NFATC3: variants seen among roughly 807,000 people sequenced by gnomAD.
The protein encoded by NFATC3 is nuclear factor of activated T cells 3.
In NFATC3, 46 loss-of-function variants were observed where a neutral mutation model predicts 98.6. That is an observed-to-expected ratio of 0.47 (90% CI 0.37 to 0.60). The LOEUF (loss-of-function observed/expected upper bound fraction) is 0.60. Among genes scored for constraint, NFATC3 ranks in the 20% least tolerant of loss-of-function variants. The probability of loss-of-function intolerance (pLI) is 0.00; values close to 1 mark genes in which losing one functional copy is unlikely to be tolerated. For synonymous variants in NFATC3, 512 were observed against 472.2 expected, an observed-to-expected ratio of 1.08 and a Z score of -1.09; for missense variants, 1,256 against 1,295.5, an observed-to-expected ratio of 0.97 and a Z score of 0.47.
chr16:68,135,500 C>CTTG (rs1160649124), intron 3 of NFATC3, among the ~76,000 whole-genome samples: 22 of 144,510 alleles, frequency 1.5e-4, no homozygotes, highest in African/African-American at 5.6e-4. Context: ...GAATTGTGTA[C>CTTG]TTGTTGCTGA....
chr16:68,173,065 TG>T (rs2039537494), intron 5 of NFATC3, among the ~76,000 whole-genome samples: 1 of 151,866 alleles, frequency 6.6e-6, no homozygotes, highest in South Asian at 2.1e-4. Context: ...GAGAACAGCC[TG>T]GGCAACAAAG....
At chr16:68,127,900 A>G (rs1365283411) in intron 3 of NFATC3, among the ~76,000 whole-genome samples, 2 of 152,016 alleles carry the variant, frequency 1.3e-5, no homozygotes, top group Non-Finnish European at 2.9e-5. Flanking sequence ...TTTCCTTTCA[A>G]ATTTACATCC....
At chr16:68,225,264 T>A (rs1258295781) in intron 9 of NFATC3, 3 of 152,206 alleles carry the variant, frequency 2.0e-5, no homozygotes, top group African/African-American at 7.2e-5. Context: ...TAATATCTAA[T>A]TTTATAACTC....
chr16:68,147,346 T>C (rs2038088806), intron 3 of NFATC3, among the ~76,000 whole-genome samples: 1 of 152,340 alleles, frequency 6.6e-6, no homozygotes, highest in Admixed American at 6.5e-5. Context: ...CCTATAATTT[T>C]TTTGTTGGTT....
chr16:68,111,369 T>C (rs1435701173), intron 1 of NFATC3, among the ~76,000 whole-genome samples: 1 of 152,252 alleles, frequency 6.6e-6, no homozygotes, highest in African/African-American at 2.4e-5. Context: ...CCCTTTACCA[T>C]GCTGTATGCC....
At chr16:68,184,999 T>A (rs890738478) in intron 8 of NFATC3, among the ~76,000 whole-genome samples, 26 of 150,640 alleles carry the variant, frequency 1.7e-4, no homozygotes, top group Non-Finnish European at 3.4e-4. Flanking sequence ...TTTTTTTTTT[T>A]GAGAGAGAGT....
chr16:68,147,885 C>T (rs1225779475), intron 3 of NFATC3, among the ~76,000 whole-genome samples: 1 of 151,822 alleles, frequency 6.6e-6, no homozygotes, highest in Non-Finnish European at 1.5e-5. Flanking sequence ...GGCATTATTA[C>T]TTACCCCATC....
intron 1 of NFATC3, among the ~76,000 whole-genome samples, chr16:68,103,585 T>G (rs139551847): frequency 3.9e-5 from 6 of 152,362 alleles, no homozygotes; most frequent in Admixed American, 1.3e-4. Flanking sequence ...GTTCTTTTGT[T>G]GCTTGTGCTT....
At position 68,158,027 on chromosome 16, in the gene NFATC3, T is replaced by C. The variant is rs1460094847; in HGVS notation, c.1560T>C (p.Val520=). The C allele has an allele frequency of 3.7e-6, 6 of 1,613,440 alleles. No individual in the cohort carries two copies. The South Asian group carries it at 6.6e-5, about 18-fold the overall frequency. ...SQEIIIASTK[V]LEIPLLPENN... is the part of the protein sequence containing the mutation. Reference sequence around the variant, plus strand: ...AGATAATAATTGCCAGTACAAAAGTTCTGGAAATTCCACTTCTTCCTGAAA... The same window carrying C: ...AGATAATAATTGCCAGTACAAAAGTCCTGGAAATTCCACTTCTTCCTGAAA... The change falls in exon 4 of 10, where the codon GTT becomes GTC. Residue 520 remains valine (V), a synonymous_variant. Transcript: ENST00000346183.
intron 3 of NFATC3, among the ~76,000 whole-genome samples, chr16:68,155,635 A>AT (rs746269445): frequency 2.0e-5 from 3 of 152,180 alleles, no homozygotes; most frequent in Non-Finnish European, 4.4e-5. Context: ...AGAGAGAGAC[A>AT]TTCCACCCGC....
At chr16:68,105,790 T>C (rs1222784121) in intron 1 of NFATC3, among the ~76,000 whole-genome samples, 1 of 152,198 alleles carries the variant, frequency 6.6e-6, no homozygotes, top group Non-Finnish European at 1.5e-5. Context: ...CTTTTTCTTC[T>C]GAGTCAGTTT....
intron 1 of NFATC3, among the ~76,000 whole-genome samples, chr16:68,099,081 G>T (rs554613377): frequency 2.8e-4 from 43 of 152,294 alleles, no homozygotes; most frequent in East Asian, 9.7e-4. Flanking sequence ...GTGTGTTTAT[G>T]TGTGTAGTTC....
intron 1 of NFATC3, among the ~76,000 whole-genome samples, chr16:68,110,812 A>G (rs1278803528): frequency 1.3e-5 from 2 of 152,076 alleles, no homozygotes; most frequent in Non-Finnish European, 2.9e-5. Context: ...TTTCCCTCTT[A>G]ACACTGCTTT....
intron 3 of NFATC3, among the ~76,000 whole-genome samples, chr16:68,139,855 A>C (rs1340716583): frequency 1.3e-5 from 2 of 152,336 alleles, no homozygotes; most frequent in East Asian, 3.9e-4. Flanking sequence ...ATAAGGTAGT[A>C]CCAATAAAGT....
chr16:68,169,646 T>C (rs375523533), intron 5 of NFATC3, among the ~76,000 whole-genome samples: 1 of 151,660 alleles, frequency 6.6e-6, no homozygotes, highest in Non-Finnish European at 1.5e-5. Context: ...TTTCTTTTTT[T>C]AAAAATAAAA....
At chr16:68,116,631 G>T (rs942701700) in intron 1 of NFATC3, among the ~76,000 whole-genome samples, 5 of 152,172 alleles carry the variant, frequency 3.3e-5, no homozygotes, top group African/African-American at 1.2e-4. Flanking sequence ...CAAATTTTGT[G>T]TGCAGGTCTC....
Position 68,100,909 on chromosome 16 carries a change from T to G in NFATC3, c.103+15125T>G, listed in dbSNP as rs200181212. Among the ~76,000 whole-genome samples the G allele has an allele frequency of 1.6e-3, 200 of 121,398 alleles. No individual in the cohort carries two copies. In the East Asian group the frequency reaches 0.017, roughly 10 times the overall value. 79.6% of individuals were successfully genotyped at this position (121,398 alleles called of 152,430 possible). On this transcript the variant is annotated intron_variant, in intron 1 of 9. Transcript: ENST00000346183. ...GTTCTGTGTGTGTGTGTGTGTGGGG[T>G]GTGTGTGTGTGTGTGTGTGTGTGAA...
intron 1 of NFATC3, chr16:68,088,964 C>A: frequency 2.0e-6 from 2 of 985,366 alleles, no homozygotes; most frequent in Non-Finnish European, 1.2e-6. Context: ...CACATAGCCC[C>A]TATATTTTGT....
At chr16:68,199,537 T>G (rs1375381627) in intron 9 of NFATC3, among the ~76,000 whole-genome samples, 1 of 126,826 alleles carries the variant, frequency 7.9e-6, no homozygotes, top group Non-Finnish European at 1.7e-5. Flanking sequence ...AGACCCTGTT[T>G]AAAAAAAAAA....
Sources: allele counts gnomAD v4.1 joint callset (sites outside exome capture counted in the v4.1 genomes callset), GRCh38; gene constraint gnomAD v4.1.1; transcripts MANE v1.5; gene names NCBI Gene and HGNC (gene_info 2026-07-23, HGNC 2026-07-21).